The following NAV3 variants were observed in gnomAD, a reference collection of about 807,000 sequenced individuals.
The protein encoded by NAV3 is pore membrane and/or filament interacting like protein 1.
NAV3 carries 87 observed loss-of-function variants against 244.7 expected under a neutral mutation model. The observed-to-expected ratio is 0.36, with a 90% confidence interval of 0.30 to 0.42. The LOEUF is 0.42. Ranked by LOEUF, NAV3 falls within the 20% of genes least tolerant of loss-of-function variation. The probability of loss-of-function intolerance (pLI) is 1.00; values close to 1 mark genes in which losing one functional copy is unlikely to be tolerated. For synonymous variants in NAV3, 1,126 were observed against 1,042.2 expected, an observed-to-expected ratio of 1.08 and a Z score of -1.55; for missense variants, 2,663 against 2,893.3, an observed-to-expected ratio of 0.92 and a Z score of 1.83.
At chr12:77,653,198 T>G (rs965021900) in intron 2 of NAV3, among the ~76,000 whole-genome samples, 1 of 152,202 alleles carries the variant, frequency 6.6e-6, no homozygotes, top group Admixed American at 6.5e-5. Flanking sequence ...AATGCTCAGG[T>G]AGACTTACGT....
intron 2 of NAV3, among the ~76,000 whole-genome samples, chr12:77,704,760 T>C (rs1301995241): frequency 6.6e-6 from 1 of 152,160 alleles, no homozygotes; most frequent in Non-Finnish European, 1.5e-5. Context: ...TCTAAGTAGA[T>C]CAGAGAAGGC....
intron 1 of NAV3, among the ~76,000 whole-genome samples, chr12:77,855,134 A>G (rs867403412): frequency 1.1e-4 from 17 of 152,280 alleles, no homozygotes; most frequent in Admixed American, 9.8e-4. Context: ...CTCCAAAAAT[A>G]AAAATAAAAA....
intron 1 of NAV3, among the ~76,000 whole-genome samples, chr12:77,894,059 T>C (rs1884280239): frequency 6.6e-6 from 1 of 152,192 alleles, no homozygotes; most frequent in Non-Finnish European, 1.5e-5. Flanking sequence ...TTCAAATGCA[T>C]AGTTTGATCT....
chr12:77,575,253 G>A (rs974753376), intron 2 of NAV3, among the ~76,000 whole-genome samples: 19 of 152,000 alleles, frequency 1.3e-4, no homozygotes, highest in African/African-American at 4.3e-4. Flanking sequence ...AACTACAGAT[G>A]TGTATCTTAT....
Position 78,168,780 on chromosome 12 carries a change from A to G in NAV3, c.4895A>G (p.Glu1632Gly). Residue 1632 changes from glutamate to glycine, a missense_variant, in exon 24 of 40, where the codon GAA (glutamate) becomes GGA (glycine). Around this residue, in one of 6 missense-constraint regions of NAV3, gnomAD observed 48 missense variants for 90.0 expected, o/e 0.53. Transcript: ENST00000397909. ...GAATCTGAACTTATAGAACTAAGAG[A>G]AACCATTGAAATGCTGAAGGCTCAG... is the stretch of plus-strand genomic sequence containing the variant. ...QKESELIELR[E>G]TIEMLKAQNS... 1 of 1,610,302 alleles carries G rather than the reference A, an allele frequency of 6.2e-7. No individual in the cohort carries two copies. Among genetic ancestry groups the G allele is most frequent in the Non-Finnish European group, 8.5e-7 (1 of 1,177,524 alleles).
intron 11 of NAV3, among the ~76,000 whole-genome samples, chr12:78,051,844 C>T (rs1000302142): frequency 5.3e-5 from 8 of 152,176 alleles, no homozygotes; most frequent in African/African-American, 1.9e-4. Context: ...CTGTTATGTA[C>T]TATGCTCTTG....
intron 2 of NAV3, among the ~76,000 whole-genome samples, chr12:77,750,382 G>A (rs1284460115): frequency 6.6e-6 from 1 of 151,640 alleles, no homozygotes; most frequent in African/African-American, 2.4e-5. Flanking sequence ...TACAAGAACA[G>A]AACATAACCT....
intron 2 of NAV3, among the ~76,000 whole-genome samples, chr12:77,657,843 C>T (rs1430314219): frequency 1.3e-5 from 2 of 152,028 alleles, no homozygotes; most frequent in Non-Finnish European, 2.9e-5. Context: ...ATAAACAGAA[C>T]CAAAGACAAA....
intron 29 of NAV3, 78 bp downstream of exon 29, chr12:78,179,760 A>G (rs928646335): frequency 3.3e-5 from 48 of 1,474,768 alleles, no homozygotes; most frequent in Non-Finnish European, 4.4e-5. Flanking sequence ...TGGTTAACAC[A>G]GAATAAATTC....
intron 5 of NAV3, among the ~76,000 whole-genome samples, chr12:77,978,913 C>T (rs952350378): frequency 2.0e-5 from 3 of 151,890 alleles, no homozygotes; most frequent in African/African-American, 7.3e-5. Context: ...CATCTCAATA[C>T]ATTCAGAGCT....
rs2138573032 is a variant in NAV3, at chr12:78,118,215, A to G, written c.2958A>G (p.Thr986=). ...GQKASLSVSQ[T]GSWRRGMSAQ... ...AAGCTTCCCTGTCTGTTTCACAGAC[A>G]GGTTCCTGGAGAAGAGGCATGTCTG... Residue 986 remains threonine (T), a synonymous_variant, in exon 14 of 40, where the codon ACA becomes ACG. Transcript: ENST00000397909. The G allele has an allele frequency of 6.2e-7, 1 of 1,613,962 alleles. No individual in the cohort carries two copies.
intron 2 of NAV3, among the ~76,000 whole-genome samples, chr12:77,593,773 C>G (rs1342183570): frequency 6.6e-6 from 1 of 151,752 alleles, no homozygotes; most frequent in East Asian, 1.9e-4. Context: ...CACGCCCAGC[C>G]TCTCCCTTGT....
chr12:78,085,234 G>A (rs1953569443), intron 12 of NAV3, among the ~76,000 whole-genome samples: 1 of 152,074 alleles, frequency 6.6e-6, no homozygotes, highest in Admixed American at 6.6e-5. Context: ...ACAATACATG[G>A]CACAGCTGTG....
intron 2 of NAV3, among the ~76,000 whole-genome samples, chr12:77,759,001 G>A (rs1403213170): frequency 6.6e-6 from 1 of 152,132 alleles, no homozygotes; most frequent in African/African-American, 2.4e-5. Context: ...AAGCTGATGT[G>A]GTCTCAATTT....
At chr12:77,923,049 TAAC>T (rs1000097897) in intron 1 of NAV3, among the ~76,000 whole-genome samples, 1 of 152,032 alleles carries the variant, frequency 6.6e-6, no homozygotes, top group Non-Finnish European at 1.5e-5. Context: ...GATGGCTACT[TAAC>T]ATTTTGAAGA....
chr12:77,974,740 C>T (rs566579711), intron 5 of NAV3, among the ~76,000 whole-genome samples: 1 of 152,306 alleles, frequency 6.6e-6, no homozygotes, highest in Admixed American at 6.5e-5. Context: ...TGATTTTAAC[C>T]TGCTCAAATT....
chr12:77,852,190 C>T (rs568112708), intron 1 of NAV3, among the ~76,000 whole-genome samples: 1 of 152,268 alleles, frequency 6.6e-6, no homozygotes, highest in South Asian at 2.1e-4. Flanking sequence ...ATAAAGTTCA[C>T]GTGTGGTAAT....
intron 2 of NAV3, among the ~76,000 whole-genome samples, chr12:77,609,788 G>A (rs886320811): frequency 2.6e-5 from 4 of 151,956 alleles, no homozygotes; most frequent in African/African-American, 7.2e-5. Context: ...CCTTCACAAG[G>A]CAATCCTCAA....
At chr12:78,205,270 TGG>T (rs1454815947) in intron 39 of NAV3, 132 bp downstream of exon 39, 7 of 937,152 alleles carry the variant, frequency 7.5e-6, no homozygotes, top group Non-Finnish European at 9.3e-6. Context: ...CTATTATCTT[TGG>T]CCTGCTTTCC....
Sources: allele counts gnomAD v4.1 joint callset (sites outside exome capture counted in the v4.1 genomes callset), GRCh38; gene constraint gnomAD v4.1.1; regional missense constraint gnomAD v4.1.1; transcripts MANE v1.5; gene names NCBI Gene and HGNC (gene_info 2026-07-23, HGNC 2026-07-21).